Variants in GABRG2 observed in about 807,000 individuals in gnomAD.
The protein encoded by GABRG2 is gamma-aminobutyric acid type A receptor subunit gamma2.
In GABRG2, 16 loss-of-function variants were observed where a neutral mutation model predicts 56.4. The ratio of observed to expected loss-of-function variants is 0.28; its 90% CI spans 0.19 to 0.43. GABRG2 has a LOEUF of 0.43. GABRG2 is among the 20% of genes least tolerant of loss of function. The pLI is 1.00. For missense variants in GABRG2, 327 were observed against 582.7 expected (o/e 0.56, Z 4.52); for synonymous variants, 208 against 205.5 (o/e 1.01, Z -0.10).
chr5:162,153,339 G>A lies in GABRG2; in HGVS notation c.1399G>A (p.Val467Ile), dbSNP rs1292056642. The part of the protein sequence containing the change: ...FPTAFCLFNL[V>I]YWVSYLYL ...CACTGCCTTCTGCCTGTTTAATCTG[G>A]TCTATTGGGTCTCCTACCTCTACCT... Residue 467 changes from valine (V) to isoleucine (I), a missense_variant, in exon 10 of 10, where the codon GTC becomes ATC. Physicochemically the swap from Val to Ile is conservative, Grantham distance 29 (BLOSUM62 3). This residue lies in a region of GABRG2 where 108 missense variants were observed against 144.2 expected (regional missense o/e 0.75). Transcript: ENST00000639213. 2 of 1,613,946 alleles carry A rather than the reference G, an allele frequency of 1.2e-6. No individual in the cohort carries two copies. Among genetic ancestry groups the A allele is most frequent in the Admixed American group, 3.3e-5 (2 of 59,988 alleles).
chr5:162,087,566 A>G (rs1435173492), intron 1 of GABRG2, among the ~76,000 whole-genome samples: 4 of 152,116 alleles, frequency 2.6e-5, no homozygotes, highest in Admixed American at 6.6e-5. Context: ...TTGTTGCCAG[A>G]ATCTTGTGAC....
chr5:162,093,286 T>A (rs566148862), intron 1 of GABRG2, among the ~76,000 whole-genome samples: 25 of 152,150 alleles, frequency 1.6e-4, no homozygotes, highest in African/African-American at 6.0e-4. Context: ...AAAATACACA[T>A]AAACACACCC....
intron 1 of GABRG2, among the ~76,000 whole-genome samples, chr5:162,081,444 T>C (rs1398760850): frequency 6.6e-6 from 1 of 152,044 alleles, no homozygotes; most frequent in Non-Finnish European, 1.5e-5. Context: ...ATCAGTATTC[T>C]TGGTTTGAGT....
rs765653579 is a variant in GABRG2 at position 162,142,146 on chromosome 5, A to C, written c.770-18A>C. ...GATTGATAAAGGGTTGTATGGTGTT[A>C]TCTTTGGTCTGTTCCAGGAGATTAT... On this transcript the variant is annotated intron_variant, in intron 6 of 9. Transcript: ENST00000639213. The C allele has an allele frequency of 2.9e-5, 47 of 1,613,514 alleles. No individual in the cohort carries two copies. Among genetic ancestry groups the C allele is most frequent in the Non-Finnish European group, 3.9e-5 (46 of 1,179,610 alleles).
At chr5:162,086,554 A>C in intron 1 of GABRG2, among the ~76,000 whole-genome samples, 1 of 152,052 alleles carries the variant, frequency 6.6e-6, no homozygotes, top group Non-Finnish European at 1.5e-5. Context: ...TGAAAATAAA[A>C]TATTGCCAAT....
intron 6 of GABRG2, among the ~76,000 whole-genome samples, chr5:162,134,990 C>T (rs1313246295): frequency 6.6e-6 from 1 of 152,108 alleles, no homozygotes; most frequent in African/African-American, 2.4e-5. Flanking sequence ...TTATATTTCC[C>T]TCAATTGCTA....
rs1325759212 is a variant in GABRG2 at position 162,152,130 on chromosome 5, T to G, written c.1152+377T>G. 3 of 191,982 alleles carry G rather than the reference T, an allele frequency of 1.6e-5. No homozygotes were observed. The East Asian group carries it at 4.2e-4, about 27-fold the overall frequency. The allele number at this position is 191,982 out of a possible 1,614,324, so 11.9% of individuals were successfully genotyped here. ...TAACTCTGTAAATCTTAATTCAAAATGTATTGGTTCATTACTGTTTGTAAA... is the reference window on the plus strand; with the variant it reads ...TAACTCTGTAAATCTTAATTCAAAAGGTATTGGTTCATTACTGTTTGTAAA... On this transcript the variant is annotated intron_variant, in intron 9 of 9. Coordinates refer to ENST00000639213, the MANE Select transcript of GABRG2 (RefSeq NM_198904.4).
At chr5:162,107,861 A>T (rs1761948422) in intron 6 of GABRG2, among the ~76,000 whole-genome samples, 1 of 152,100 alleles carries the variant, frequency 6.6e-6, no homozygotes, top group South Asian at 2.1e-4. Context: ...TCCTCTTTTC[A>T]GTTGCCATTG....
At chr5:162,094,922 AT>A in intron 2 of GABRG2, among the ~76,000 whole-genome samples, 2 of 152,266 alleles carry the variant, frequency 1.3e-5, no homozygotes, top group Middle Eastern at 6.8e-3. Flanking sequence ...TATCTGTGGT[AT>A]CACAGGGTAC....
chr5:162,112,249 A>G (rs1394553627), intron 6 of GABRG2, among the ~76,000 whole-genome samples: 1 of 109,112 alleles, frequency 9.2e-6, no homozygotes, highest in African/African-American at 3.4e-5. Flanking sequence ...AACCAACCAG[A>G]TCAAAAAAGC....
rs925362046 is a variant in GABRG2, at chr5:162,074,282, T to TA, written c.107+6177dup. 4.5e-4 allele frequency among the ~76,000 whole-genome samples: 68 copies of TA among 152,032 alleles called. 4 individuals carry two copies. On this transcript the variant is annotated intron_variant, in intron 1 of 9. Transcript: ENST00000639213. ...ATAAAAATCATTGTATAACTCTGCA[T>TA]AGATAAAATACCATGTAAATGCTAA...
At chr5:162,102,921 C>G (rs961899619) in intron 5 of GABRG2, 1 of 161,868 alleles carries the variant, frequency 6.2e-6, no homozygotes, top group Non-Finnish European at 1.4e-5. Context: ...GGATTTTATT[C>G]CAAGTACTCA....
At chr5:162,088,173 C>T (rs1019139045) in intron 1 of GABRG2, among the ~76,000 whole-genome samples, 1 of 152,088 alleles carries the variant, frequency 6.6e-6, no homozygotes, top group African/African-American at 2.4e-5. Context: ...CCAATGGCCC[C>T]ATCCATTGAA....
chr5:162,083,803 A>T (rs1490078647), intron 1 of GABRG2, among the ~76,000 whole-genome samples: 3 of 151,880 alleles, frequency 2.0e-5, no homozygotes, highest in African/African-American at 7.2e-5. Flanking sequence ...TTAATGAAGG[A>T]TCAAGAAATC....
At chr5:162,106,507 T>C (rs1761838439) in intron 6 of GABRG2, among the ~76,000 whole-genome samples, 1 of 152,208 alleles carries the variant, frequency 6.6e-6, no homozygotes, top group South Asian at 2.1e-4. Context: ...TGCTTGATTT[T>C]TGATGCTATT....
intron 6 of GABRG2, among the ~76,000 whole-genome samples, chr5:162,117,172 T>C (rs751910733): frequency 6.6e-5 from 10 of 152,146 alleles, no homozygotes; most frequent in South Asian, 2.1e-4. Flanking sequence ...TGAAAATGAT[T>C]GTAGGGTGAT....
intron 7 of GABRG2, among the ~76,000 whole-genome samples, chr5:162,144,420 G>A (rs530545373): frequency 1.6e-4 from 24 of 152,258 alleles, no homozygotes; most frequent in African/African-American, 5.3e-4. Flanking sequence ...AGTGTTCACT[G>A]GCAAAGGATC....
At chr5:162,081,556 T>G (rs570922494) in intron 1 of GABRG2, among the ~76,000 whole-genome samples, 3 of 152,154 alleles carry the variant, frequency 2.0e-5, no homozygotes, top group African/African-American at 7.2e-5. Context: ...CATTGAAGAT[T>G]TTTCTTTCAA....
upstream of GABRG2, chr5:162,067,641 CGTAA>C (rs781608673): frequency 6.1e-5 from 33 of 542,884 alleles, no homozygotes; most frequent in Non-Finnish European, 9.4e-5. Flanking sequence ...GGGGAGAACG[CGTAA>C]GTGTGAGGGG....
Sources: allele counts gnomAD v4.1 joint callset (sites outside exome capture counted in the v4.1 genomes callset), GRCh38; gene constraint gnomAD v4.1.1; regional missense constraint gnomAD v4.1.1; transcripts MANE v1.5; gene names NCBI Gene and HGNC (gene_info 2026-07-23, HGNC 2026-07-21).